CD276: variants seen among roughly 807,000 people sequenced by gnomAD.
CD276 encodes the protein CD276 antigen.
Under a neutral mutation model 50.0 loss-of-function variants are expected in CD276, and 34 were observed. The observed-to-expected ratio is 0.68, with a 90% CI of 0.52 to 0.91. The LOEUF (loss-of-function observed/expected upper bound fraction) is 0.91. CD276 is among the 40% of genes least tolerant of loss of function. The pLI, the probability that CD276 is intolerant of heterozygous loss-of-function variation, is 0.00. For missense variants in CD276, 634 were observed against 717.5 expected (o/e 0.88, Z 1.33); for synonymous variants, 275 against 313.0 (o/e 0.88, Z 1.28).
chr15:73,703,141 G>T (rs1405514041), intron 4 of CD276, 55 bp downstream of exon 4: 8 of 1,515,232 alleles, frequency 5.3e-6, no homozygotes, highest in Admixed American at 2.0e-5. Flanking sequence ...CTGTCGGCAG[G>T]GGTTGGGAGC....
At chr15:73,712,796 G>T in intron 9 of CD276, 138 bp from the exon 10 acceptor site, 1 of 871,430 alleles carries the variant, frequency 1.1e-6, no homozygotes, top group South Asian at 1.7e-5. Context: ...GGGGCTGTCC[G>T]TTGGGCTGCT....
intron 1 of CD276, among the ~76,000 whole-genome samples, chr15:73,698,959 T>C (rs1416790361): frequency 6.6e-6 from 1 of 152,172 alleles, no homozygotes; most frequent in African/African-American, 2.4e-5. Flanking sequence ...CTAGATTATG[T>C]GTGATTAAAA....
At chr15:73,701,594 G>A (rs920526256) in intron 2 of CD276, among the ~76,000 whole-genome samples, 4 of 152,180 alleles carry the variant, frequency 2.6e-5, no homozygotes, top group Admixed American at 1.3e-4. Flanking sequence ...CCTCTACGGG[G>A]TTCTCTGTAT....
chr15:73,689,730 GTC>G (rs1899916936), intron 1 of CD276, among the ~76,000 whole-genome samples: 1 of 152,172 alleles, frequency 6.6e-6, no homozygotes, highest in South Asian at 2.1e-4. Context: ...ATTTGAACCT[GTC>G]TCTCCAACTC....
At chr15:73,701,788 C>T (rs1047199763) in intron 2 of CD276, among the ~76,000 whole-genome samples, 1 of 151,946 alleles carries the variant, frequency 6.6e-6, no homozygotes, top group Non-Finnish European at 1.5e-5. Flanking sequence ...AGAGAAACCA[C>T]TATTGACATT....
In CD276 at chr15:73,687,372, C is replaced by T. The variant is rs185849927; in HGVS notation, c.-55+2912C>T. ...AGTCACATGCCCAAAGACACACAGC[C>T]GGCAAATGGTGGAGCTGGGCTGTTG... On this transcript the variant is annotated intron_variant, in intron 1 of 9. Transcript: ENST00000318443. The surrounding 1 kb of genome is among the most constrained non-coding windows in gnomAD (Gnocchi z 4.0). 2.6e-5 allele frequency among the ~76,000 whole-genome samples: 4 copies of T among 152,276 alleles called. No homozygotes were observed. The highest frequency in any genetic ancestry group is 3.9e-4 in the East Asian group (2 of 5,188).
chr15:73,709,073 G>A (rs1373827397), intron 7 of CD276, among the ~76,000 whole-genome samples: 1 of 152,178 alleles, frequency 6.6e-6, no homozygotes, highest in African/African-American at 2.4e-5. Flanking sequence ...GAAGGAGAGG[G>A]AAGAAGAGTG....
At chr15:73,692,287 C>G (rs188490833) in intron 1 of CD276, among the ~76,000 whole-genome samples, 404 of 152,270 alleles carry the variant, frequency 2.7e-3, no homozygotes, top group African/African-American at 9.3e-3. Flanking sequence ...CCCACAATAC[C>G]TTGTATAAAT....
upstream of CD276, chr15:73,684,094 A>C (rs576066682): frequency 1.3e-5 from 2 of 152,258 alleles, no homozygotes; most frequent in Non-Finnish European, 2.9e-5. Flanking sequence ...CGCAGAAAGG[A>C]AGATTCGGCT....
chr15:73,703,609 A>C, intron 4 of CD276, 50 bp from the exon 5 acceptor site: 4 of 1,425,092 alleles, frequency 2.8e-6, no homozygotes, highest in Non-Finnish European at 3.8e-6. Flanking sequence ...GTGGTAGCCT[A>C]GAGAGTCCCA....
At chr15:73,710,791 A>C (rs1900866051) in intron 8 of CD276, among the ~76,000 whole-genome samples, 1 of 152,142 alleles carries the variant, frequency 6.6e-6, no homozygotes, top group South Asian at 2.1e-4. Flanking sequence ...CCCACCTGCA[A>C]ATCTGCCAGC....
rs1899833030 is a variant in CD276 at position 73,687,907 on chromosome 15, C to T, written c.-55+3447C>T. 6.6e-6 allele frequency among the ~76,000 whole-genome samples: 1 copy of T among 152,140 alleles called. No homozygotes were observed. The highest frequency in any genetic ancestry group is 2.4e-5 in the African/African-American group (1 of 41,416). ...CAAGTTACCCTAGAGGCAATGCAGG[C>T]TCCTAGGAACTGGGGCTGCCTTGTG... On this transcript the variant is annotated intron_variant, in intron 1 of 9. Transcript: ENST00000318443. The surrounding 1 kb of genome is among the most constrained non-coding windows in gnomAD (Gnocchi z 4.0).
At position 73,712,948 on chromosome 15, in the gene CD276, A is replaced by G; in HGVS notation, c.1597A>G (p.Ile533Val). 6.2e-7 allele frequency: 1 copy of G among 1,613,970 alleles called. No individual in the cohort carries two copies. Among genetic ancestry groups the G allele is most frequent in the Non-Finnish European group, 8.5e-7 (1 of 1,179,896 alleles). Residue 533 changes from isoleucine (I) to valine (V), a missense_variant, in exon 10 of 10, where the codon ATA becomes GTA. Ile to Val is a conservative substitution (Grantham distance 29). Coordinates refer to ENST00000318443, the MANE Select transcript of CD276 (RefSeq NM_001024736.2). The part of the protein sequence containing the change: ...SDSKEDDGQE[I>V]A ...ATGAAATGAAGATGATGGACAAGAA[A>G]TAGCCTGACCATGAGGACCAGGGAG...
rs535250934 is a variant in CD276, at chr15:73,713,587, T to G, written c.*631T>G. The G allele has an allele frequency of 5.0e-5, 16 of 317,408 alleles. No homozygotes were observed. In the East Asian group the frequency reaches 2.0e-3, roughly 40 times the overall value. The allele number at this position is 317,408 out of a possible 1,614,324, so 19.7% of individuals were successfully genotyped here. A position where few individuals can be genotyped will look rare whatever the true frequency, so the allele number is the denominator to read the frequency against. The stretch of plus-strand genomic sequence containing the variant: ...TGGCCTTTTCCCTCCCTGCCCCAAG[T>G]GAAGACAGGGCACTCTGCGCCCACC... On this transcript the variant is annotated 3_prime_UTR_variant, in exon 10 of 10. Coordinates refer to ENST00000318443, the MANE Select transcript of CD276 (RefSeq NM_001024736.2).
rs1900525734 is a variant in CD276 at position 73,703,855 on chromosome 15, C to A, written c.930C>A (p.Arg310=). The A allele has an allele frequency of 1.9e-6, 3 of 1,613,584 alleles. No individual in the cohort carries two copies. The highest frequency in any genetic ancestry group is 3.3e-5 in the Admixed American group (2 of 60,008). The change falls in exon 5 of 10, where the codon CGC becomes CGA. Residue 310 remains arginine, a synonymous_variant. Coordinates refer to ENST00000318443, the MANE Select transcript of CD276 (RefSeq NM_001024736.2). The part of the protein sequence containing the change: ...GRDQGSAYAN[R]TALFPDLLAQ... Reference sequence around the variant, plus strand: ...ACCAGGGCAGCGCCTATGCCAACCGCACGGCCCTCTTCCCGGACCTGCTGG... The same window carrying A: ...ACCAGGGCAGCGCCTATGCCAACCGAACGGCCCTCTTCCCGGACCTGCTGG...
chr15:73,699,560 A>C (rs1269965234), intron 1 of CD276, 26 bp from the exon 2 acceptor site: 1 of 1,566,266 alleles, frequency 6.4e-7, no homozygotes, highest in Non-Finnish European at 8.6e-7. Context: ...TTTGGAGACA[A>C]AGGCCTTGCG....
In CD276 at chr15:73,703,836, G is replaced by A; in HGVS notation, c.911G>A (p.Gly304Asp). ...VHSFTEGRDQ[G>D]SAYANRTALF... is the part of the protein sequence containing the mutation. ...AGTTTCACCGAAGGCCGGGACCAGG[G>A]CAGCGCCTATGCCAACCGCACGGCC... Residue 304 changes from glycine (G) to aspartate (D), a missense_variant, in exon 5 of 10, where the codon GGC (glycine) becomes GAC (aspartate). Coordinates refer to ENST00000318443, the MANE Select transcript of CD276 (RefSeq NM_001024736.2). The A allele has an allele frequency of 1.2e-6, 2 of 1,613,652 alleles. No homozygotes were observed. The highest frequency in any genetic ancestry group is 1.7e-6 in the Non-Finnish European group (2 of 1,180,024).
intron 1 of CD276, among the ~76,000 whole-genome samples, chr15:73,690,422 TA>T (rs1899941470): frequency 2.0e-5 from 3 of 152,348 alleles, no homozygotes; most frequent in African/African-American, 4.8e-5. Context: ...GTCCATGTTT[TA>T]CTGCTATAAC....
At chr15:73,703,611 A>G (rs1900505486) in intron 4 of CD276, 48 bp from the exon 5 acceptor site, 5 of 1,444,824 alleles carry the variant, frequency 3.5e-6, no homozygotes, top group Non-Finnish European at 4.7e-6. Context: ...GGTAGCCTAG[A>G]GAGTCCCATT....
Sources: allele counts gnomAD v4.1 joint callset (sites outside exome capture counted in the v4.1 genomes callset), GRCh38; gene constraint gnomAD v4.1.1; non-coding constraint Gnocchi (gnomAD v3.1); transcripts MANE v1.5; gene names NCBI Gene and HGNC (gene_info 2026-07-23, HGNC 2026-07-21).